Variants in FSIP1 observed in about 807,000 individuals in gnomAD.
The protein encoded by FSIP1 is fibrous sheath interacting protein 1.
Under a neutral mutation model 60.9 loss-of-function variants are expected in FSIP1, and 65 were observed. That is an observed-to-expected ratio of 1.07 (90% confidence interval 0.87 to 1.31). The LOEUF is 1.31. Ranked by LOEUF, FSIP1 falls within the 40% of genes most tolerant of loss-of-function variation. The pLI, the probability that FSIP1 is intolerant of heterozygous loss-of-function variation, is 0.00. For synonymous variants in FSIP1, 209 were observed against 221.2 expected, an observed-to-expected ratio of 0.94 and a Z score of 0.49; for missense variants, 675 against 665.5, an observed-to-expected ratio of 1.01 and a Z score of -0.16.
At chr15:39,695,093 A>T (rs755364764) in intron 10 of FSIP1, among the ~76,000 whole-genome samples, 13 of 152,154 alleles carry the variant, frequency 8.5e-5, no homozygotes, top group African/African-American at 1.7e-4. Context: ...TACTTCCCTA[A>T]CATTTGCATA....
At chr15:39,735,750 AAC>A (rs1162006833) in intron 8 of FSIP1, among the ~76,000 whole-genome samples, 1 of 152,204 alleles carries the variant, frequency 6.6e-6, no homozygotes, top group Non-Finnish European at 1.5e-5. Flanking sequence ...TTAAAACATA[AAC>A]ACAGTATAGA....
intron 10 of FSIP1, among the ~76,000 whole-genome samples, chr15:39,672,672 G>A (rs1893768962): frequency 6.6e-6 from 1 of 152,158 alleles, no homozygotes; most frequent in South Asian, 2.1e-4. Context: ...AACAACCTCA[G>A]AGGTAATATC....
chr15:39,669,835 T>C (rs1893645344), intron 10 of FSIP1, among the ~76,000 whole-genome samples: 3 of 152,206 alleles, frequency 2.0e-5, no homozygotes. Flanking sequence ...CAACCAGCAT[T>C]TTTGCCAGCA....
intron 5 of FSIP1, among the ~76,000 whole-genome samples, chr15:39,743,794 G>A (rs533533910): frequency 6.6e-6 from 1 of 152,262 alleles, no homozygotes; most frequent in Admixed American, 6.5e-5. Context: ...TCATTGAGAA[G>A]GACACTATCA....
chr15:39,705,360 C>T (rs1895219949), intron 10 of FSIP1, among the ~76,000 whole-genome samples: 1 of 151,972 alleles, frequency 6.6e-6, no homozygotes, highest in African/African-American at 2.4e-5. Context: ...CACAGTGGAA[C>T]ACTCACACCT....
intron 2 of FSIP1, among the ~76,000 whole-genome samples, chr15:39,771,629 T>C (rs925289178): frequency 6.6e-6 from 1 of 152,180 alleles, no homozygotes; most frequent in East Asian, 1.9e-4. Flanking sequence ...GCCTGCCTCA[T>C]TCGCTTCCCA....
At chr15:39,681,429 T>G (rs1566882924) in intron 10 of FSIP1, among the ~76,000 whole-genome samples, 1 of 152,194 alleles carries the variant, frequency 6.6e-6, no homozygotes, top group Non-Finnish European at 1.5e-5. Context: ...TAAAGATTTT[T>G]TAAAACATGT....
Position 39,770,529 on chromosome 15 carries a change from C to T in FSIP1, c.208G>A (p.Asp70Asn). 1 of 1,611,582 alleles carries T rather than the reference C, an allele frequency of 6.2e-7. No homozygotes were observed. The highest frequency in any genetic ancestry group is 8.5e-7 in the Non-Finnish European group (1 of 1,179,516). ...SNTENRRTSNDDKQESCSEKI... is the reference protein window; with the variant it reads ...SNTENRRTSNNDKQESCSEKI... ...TCAGAGCAGCTTTCCTGCTTATCAT[C>T]ATTACTAGTTCTTCTGTTCTCTGTA... Residue 70 changes from aspartate to asparagine, a missense_variant, in exon 3 of 12, where the codon GAT (aspartate) becomes AAT (asparagine). Asp to Asn is a conservative substitution (Grantham distance 23). Coordinates refer to ENST00000350221, the MANE Select transcript of FSIP1 (RefSeq NM_152597.5).
At position 39,600,901 on chromosome 15, in the gene FSIP1, T is replaced by C. The variant is rs749673377; in HGVS notation, c.1725A>G (p.Ala575=). 14 of 1,611,046 alleles carry C rather than the reference T, an allele frequency of 8.7e-6. No homozygotes were observed. The highest frequency in any genetic ancestry group is 1.1e-5 in the Non-Finnish European group (13 of 1,179,048). ...IADEQETKDA[A]EECKEP is the part of the protein sequence containing the mutation. Reference sequence around the variant, plus strand: ...TTGATTAGGGTTCTTTACATTCTTCTGCTGCATCTTTAGTCTCCTGCTCAT... The same window carrying C: ...TTGATTAGGGTTCTTTACATTCTTCCGCTGCATCTTTAGTCTCCTGCTCAT... The change falls in exon 12 of 12, where the codon GCA becomes GCG. Residue 575 remains alanine, a synonymous_variant. Coordinates refer to ENST00000350221, the MANE Select transcript of FSIP1 (RefSeq NM_152597.5).
chr15:39,760,790 A>T (rs1897469424), intron 5 of FSIP1, among the ~76,000 whole-genome samples: 1 of 152,176 alleles, frequency 6.6e-6, no homozygotes, highest in Non-Finnish European at 1.5e-5. Context: ...TACTTTAATT[A>T]ATGGTATTAT....
chr15:39,667,608 A>G (rs1480381229), intron 10 of FSIP1, among the ~76,000 whole-genome samples: 3 of 152,188 alleles, frequency 2.0e-5, no homozygotes, highest in Non-Finnish European at 4.4e-5. Flanking sequence ...GGAAACAGAC[A>G]ATCACACAAA....
At chr15:39,631,938 CA>C (rs1200483270) in intron 10 of FSIP1, among the ~76,000 whole-genome samples, 1 of 152,146 alleles carries the variant, frequency 6.6e-6, no homozygotes, top group Non-Finnish European at 1.5e-5. Context: ...ATTTTCTAAT[CA>C]TGTCATGTTA....
intron 10 of FSIP1, among the ~76,000 whole-genome samples, chr15:39,712,718 G>C (rs1368960311): frequency 6.6e-6 from 1 of 152,174 alleles, no homozygotes. Flanking sequence ...ATCATAGTAT[G>C]ACAGAGCAAT....
At chr15:39,601,524 T>C (rs1266955119) in intron 11 of FSIP1, among the ~76,000 whole-genome samples, 1 of 152,196 alleles carries the variant, frequency 6.6e-6, no homozygotes, top group Non-Finnish European at 1.5e-5. Flanking sequence ...AAGGTTACCA[T>C]AGACCTGGCA....
At chr15:39,602,226 G>A (rs1437024692) in intron 11 of FSIP1, 2 of 428,614 alleles carry the variant, frequency 4.7e-6, no homozygotes, top group Non-Finnish European at 9.4e-6. Flanking sequence ...AACACACACA[G>A]ATGGAGGGAG....
At chr15:39,773,750 AAAGCCAGC>A (rs1187656015) in intron 2 of FSIP1, among the ~76,000 whole-genome samples, 1 of 152,232 alleles carries the variant, frequency 6.6e-6, no homozygotes, top group Non-Finnish European at 1.5e-5. Flanking sequence ...CTAGGAGATA[AAAGCCAGC>A]GTGAAAAGCT....
intron 10 of FSIP1, among the ~76,000 whole-genome samples, chr15:39,690,660 G>C (rs1457022012): frequency 6.6e-6 from 1 of 152,204 alleles, no homozygotes; most frequent in Non-Finnish European, 1.5e-5. Context: ...AGCTGCTGCA[G>C]CTCCTGGTAA....
At chr15:39,656,715 A>G (rs934754102) in intron 10 of FSIP1, among the ~76,000 whole-genome samples, 13 of 152,272 alleles carry the variant, frequency 8.5e-5, no homozygotes, top group African/African-American at 3.1e-4. Flanking sequence ...TTGCATTAAT[A>G]TGCAAAAGAC....
At chr15:39,691,085 G>C (rs1894581129) in intron 10 of FSIP1, among the ~76,000 whole-genome samples, 1 of 152,160 alleles carries the variant, frequency 6.6e-6, no homozygotes, top group African/African-American at 2.4e-5. Context: ...TCAGCACTGT[G>C]AGACTTTGTC....
Sources: gnomAD v4.1 joint callset for allele counts (sites outside exome capture counted in the v4.1 genomes callset) on GRCh38, gnomAD v4.1.1 for gene constraint, MANE v1.5 for transcripts, NCBI Gene and HGNC (gene_info 2026-07-23, HGNC 2026-07-21) for gene names.